The following KMT2E variants were observed in gnomAD, a reference collection of about 807,000 sequenced individuals.
KMT2E encodes the protein histone reader KMT2E.
Under a neutral mutation model 184.6 loss-of-function variants are expected in KMT2E, and 30 were observed. The ratio of observed to expected loss-of-function variants is 0.16; its 90% CI spans 0.12 to 0.22. The LOEUF (loss-of-function observed/expected upper bound fraction) is 0.22. KMT2E is among the 10% of genes least tolerant of loss of function. KMT2E has a pLI of 1.00. For synonymous variants in KMT2E, 815 were observed against 776.5 expected, an observed-to-expected ratio of 1.05 and a Z score of -0.82; for missense variants, 2,023 against 2,237.4, an observed-to-expected ratio of 0.90 and a Z score of 1.93.
At position 105,107,943 on chromosome 7, in the gene KMT2E, T is replaced by G; in HGVS notation, c.3468+18T>G. On this transcript the variant is annotated intron_variant, in intron 22 of 26. Coordinates refer to ENST00000311117, the MANE Select transcript of KMT2E (RefSeq NM_182931.3). ...AGAAAAAGGTTACAAATTTAACAAT[T>G]TATAGTCCTTTTAATAGTTTTTTTT... 1 of 1,535,316 alleles carries G rather than the reference T, an allele frequency of 6.5e-7. No homozygotes were observed. The highest frequency in any genetic ancestry group is 1.3e-5 in the South Asian group (1 of 78,230).
At chr7:105,054,488 C>T (rs1031938261) in intron 3 of KMT2E, among the ~76,000 whole-genome samples, 17 of 150,792 alleles carry the variant, frequency 1.1e-4, no homozygotes, top group African/African-American at 3.6e-4. Flanking sequence ...ATCTATCTAT[C>T]TATCTATCTA....
chr7:105,086,987 G>A (rs190157259), intron 13 of KMT2E, among the ~76,000 whole-genome samples: 28 of 145,030 alleles, frequency 1.9e-4, no homozygotes, highest in Non-Finnish European at 3.4e-4. Context: ...TATATTATAC[G>A]CTGTATATGC....
At chr7:105,096,876 G>A (rs1013507787) in intron 15 of KMT2E, among the ~76,000 whole-genome samples, 4 of 152,176 alleles carry the variant, frequency 2.6e-5, no homozygotes, top group African/African-American at 9.7e-5. Context: ...TTCCACGCAA[G>A]TATAATTTGA....
At chr7:105,034,224 A>AGT (rs772148334) in intron 1 of KMT2E, among the ~76,000 whole-genome samples, 13 of 152,010 alleles carry the variant, frequency 8.6e-5, no homozygotes, top group Non-Finnish European at 1.6e-4. Context: ...TGTCCTGACT[A>AGT]GTGTGTGTGT....
At chr7:105,045,138 C>T (rs1191792264) in intron 3 of KMT2E, among the ~76,000 whole-genome samples, 3 of 152,194 alleles carry the variant, frequency 2.0e-5, no homozygotes, top group Non-Finnish European at 2.9e-5. Flanking sequence ...ATTCTTCCAC[C>T]TGCTATGTAT....
At chr7:105,087,262 C>T (rs1798017784) in intron 13 of KMT2E, among the ~76,000 whole-genome samples, 1 of 137,604 alleles carries the variant, frequency 7.3e-6, no homozygotes, top group South Asian at 2.3e-4. Context: ...TCAACATGAG[C>T]ATATATATAA....
chr7:105,064,444 C>T (rs1362962750), intron 5 of KMT2E, among the ~76,000 whole-genome samples: 2 of 151,738 alleles, frequency 1.3e-5, no homozygotes, highest in Non-Finnish European at 2.9e-5. Context: ...ACCCTAAAGC[C>T]AAGTATTACT....
At chr7:105,069,860 T>C (rs913574741) in intron 6 of KMT2E, among the ~76,000 whole-genome samples, 3 of 152,150 alleles carry the variant, frequency 2.0e-5, no homozygotes, top group Non-Finnish European at 4.4e-5. Flanking sequence ...TATTCTGTAA[T>C]CGATTTCTAT....
chr7:105,105,373 A>G, intron 17 of KMT2E, 66 bp from the exon 18 acceptor site: 1 of 1,188,734 alleles, frequency 8.4e-7, no homozygotes, highest in Non-Finnish European at 1.2e-6. Context: ...CAAATCTGGT[A>G]TTAGAATATT....
intron 1 of KMT2E, among the ~76,000 whole-genome samples, chr7:105,019,794 A>G (rs1794871592): frequency 1.3e-5 from 2 of 152,196 alleles, no homozygotes; most frequent in South Asian, 4.1e-4. Context: ...TCAGAAGACT[A>G]GGACATATCA....
intron 1 of KMT2E, among the ~76,000 whole-genome samples, chr7:105,035,963 G>A (rs1009446797): frequency 2.0e-5 from 3 of 152,206 alleles, no homozygotes; most frequent in Non-Finnish European, 4.4e-5. Flanking sequence ...TCAGGTTTGA[G>A]GGAGGAGCAA....
intron 6 of KMT2E, among the ~76,000 whole-genome samples, chr7:105,069,464 A>G (rs911789166): frequency 6.6e-6 from 1 of 152,220 alleles, no homozygotes; most frequent in Non-Finnish European, 1.5e-5. Flanking sequence ...TGTGTAAAAC[A>G]GTTTAGAACT....
At chr7:105,021,508 A>G (rs1031914481) in intron 1 of KMT2E, among the ~76,000 whole-genome samples, 9 of 152,220 alleles carry the variant, frequency 5.9e-5, no homozygotes, top group Non-Finnish European at 1.2e-4. Flanking sequence ...AGCTTAAATA[A>G]AGGATTTGTT....
chr7:105,113,377 C>G lies in KMT2E; in HGVS notation c.*44C>G. 1 of 1,554,870 alleles carries G rather than the reference C, an allele frequency of 6.4e-7. No homozygotes were observed. Among genetic ancestry groups the G allele is most frequent in the Non-Finnish European group, 8.7e-7 (1 of 1,145,644 alleles). On this transcript the variant is annotated 3_prime_UTR_variant, in exon 27 of 27. Coordinates refer to ENST00000311117, the MANE Select transcript of KMT2E (RefSeq NM_182931.3). ...TTTTTTAAATGTTCTGTAAGATAAA[C>G]TGTATATTTCATATGTACCTGTTAA...
chr7:105,034,558 ATCT>A (rs1795554537), intron 1 of KMT2E, among the ~76,000 whole-genome samples: 1 of 151,760 alleles, frequency 6.6e-6, no homozygotes, highest in African/African-American at 2.4e-5. Flanking sequence ...CATTGATACA[ATCT>A]TCTCCTTTTA....
At chr7:105,078,437 CTG>C (rs1340948133) in intron 11 of KMT2E, among the ~76,000 whole-genome samples, 6 of 152,220 alleles carry the variant, frequency 3.9e-5, no homozygotes, top group Admixed American at 1.3e-4. Context: ...TTCTTAGACT[CTG>C]TGTTCTTAAG....
intron 23 of KMT2E, among the ~76,000 whole-genome samples, chr7:105,109,845 T>C (rs1450573517): frequency 1.0e-5 from 1 of 97,392 alleles, no homozygotes; most frequent in East Asian, 1.3e-3. Flanking sequence ...AAGATTAACT[T>C]TTTTTTTTTT....
chr7:105,105,615 T>G lies in KMT2E; in HGVS notation c.2373T>G (p.Ile791Met). The G allele has an allele frequency of 6.2e-7, 1 of 1,613,296 alleles. No homozygotes were observed. Among genetic ancestry groups the G allele is most frequent in the Non-Finnish European group, 8.5e-7 (1 of 1,179,454 alleles). ...PHVYSTPKHY[I>M]RFTSPFLSEK... is the part of the protein sequence containing the mutation. ...TATACTCCACTCCTAAGCATTATAT[T>G]AGATTTACTTCACCATTCCTTTCAG... Residue 791 changes from isoleucine (I) to methionine (M), a missense_variant, in exon 18 of 27, where the codon ATT becomes ATG. Coordinates refer to ENST00000311117, the MANE Select transcript of KMT2E (RefSeq NM_182931.3).
In KMT2E at chr7:105,101,511, A is replaced by G. The variant is rs748535094; in HGVS notation, c.1809A>G (p.Glu603=). Residue 603 remains glutamate, a synonymous_variant, in exon 16 of 27, where the codon GAA becomes GAG. Coordinates refer to ENST00000311117, the MANE Select transcript of KMT2E (RefSeq NM_182931.3). The part of the protein sequence containing the change: ...KREKRREQAL[E]RISTAKTEVK... ...AGAAAAGAAGAGAACAAGCTTTGGA[A>G]AGGATCAGCACAGCCAAAACTGAAG... is the stretch of plus-strand genomic sequence containing the variant. 5 of 1,597,696 alleles carry G rather than the reference A, an allele frequency of 3.1e-6. No individual in the cohort carries two copies. Among genetic ancestry groups the G allele is most frequent in the Non-Finnish European group, 4.3e-6 (5 of 1,174,092 alleles).
Sources: allele counts gnomAD v4.1 joint callset (sites outside exome capture counted in the v4.1 genomes callset), GRCh38; gene constraint gnomAD v4.1.1; transcripts MANE v1.5; gene names NCBI Gene and HGNC (gene_info 2026-07-23, HGNC 2026-07-21).